ACER1: variants seen among roughly 807,000 people sequenced by gnomAD.
The protein encoded by ACER1 is alkaline ceramidase 1.
Under a neutral mutation model 24.9 loss-of-function variants are expected in ACER1, and 28 were observed. That is an observed-to-expected ratio of 1.13 (90% CI 0.83 to 1.54). The LOEUF is 1.54. Ranked by LOEUF, ACER1 falls within the 40% of genes most tolerant of loss-of-function variation. ACER1 has a pLI of 0.00. For synonymous variants in ACER1, 132 were observed against 131.4 expected (o/e 1.00, Z -0.03); for missense variants, 352 against 349.3 (o/e 1.01, Z -0.06).
At chr19:6,356,874 A>T in the ACER1 span, among the ~76,000 whole-genome samples, 1 of 152,282 alleles carries the variant, frequency 6.6e-6, no homozygotes, top group South Asian at 2.1e-4. Flanking sequence ...ACAAGATAGC[A>T]GAATGTTCTG....
At chr19:6,352,803 C>T in the ACER1 span, among the ~76,000 whole-genome samples, 1 of 152,208 alleles carries the variant, frequency 6.6e-6, no homozygotes, top group Non-Finnish European at 1.5e-5. Flanking sequence ...CATCCACAGC[C>T]TCTTCAGCAC....
At chr19:6,333,218 G>A (rs2091697142) in intron 1 of ACER1, among the ~76,000 whole-genome samples, 1 of 152,124 alleles carries the variant, frequency 6.6e-6, no homozygotes. Context: ...GTTAGCTTAG[G>A]GAAGGCAGAG....
chr19:6,323,507 A>G (rs530134652), intron 1 of ACER1, among the ~76,000 whole-genome samples: 256 of 152,122 alleles, frequency 1.7e-3, no homozygotes, highest in Non-Finnish European at 2.7e-3. Flanking sequence ...GTAAGATGTG[A>G]CTTGCTCCTC....
At chr19:6,312,968 G>T (rs915306379) in intron 1 of ACER1, among the ~76,000 whole-genome samples, 1 of 151,910 alleles carries the variant, frequency 6.6e-6, no homozygotes, top group South Asian at 2.1e-4. Context: ...GTGAGCCACC[G>T]CACCTAGCCA....
chr19:6,342,258 C>CTTTTTT, the ACER1 span, among the ~76,000 whole-genome samples: 2 of 112,144 alleles, frequency 1.8e-5, no homozygotes. Flanking sequence ...TATCCTAGTT[C>CTTTTTT]TTTTTTTTTT....
chr19:6,314,652 C>T (rs1256120267), intron 1 of ACER1, among the ~76,000 whole-genome samples: 2 of 152,040 alleles, frequency 1.3e-5, no homozygotes, highest in Non-Finnish European at 2.9e-5. Flanking sequence ...TGGGTACAAC[C>T]TCTACGGAAA....
chr19:6,342,580 G>C, the ACER1 span, among the ~76,000 whole-genome samples: 1 of 151,428 alleles, frequency 6.6e-6, no homozygotes, highest in Non-Finnish European at 1.5e-5. Flanking sequence ...TTAGCCAGGC[G>C]TGGTGGCGGG....
chr19:6,311,209 G>T (rs1215865089), intron 3 of ACER1, among the ~76,000 whole-genome samples: 1 of 148,908 alleles, frequency 6.7e-6, no homozygotes, highest in Non-Finnish European at 1.5e-5. Context: ...GGGTCCCAGA[G>T]GTCAATAGGG....
the ACER1 span, among the ~76,000 whole-genome samples, chr19:6,345,115 A>C: frequency 6.6e-6 from 1 of 151,520 alleles, no homozygotes; most frequent in African/African-American, 2.4e-5. Flanking sequence ...GGCTGGTCTC[A>C]AACTCCTGAC....
chr19:6,314,341 G>A (rs780773359), intron 1 of ACER1, among the ~76,000 whole-genome samples: 4 of 150,990 alleles, frequency 2.6e-5, no homozygotes, highest in Non-Finnish European at 5.9e-5. Context: ...GTAGTGGTGG[G>A]TGCCTGTAAT....
At chr19:6,329,399 A>AGAATAG (rs2145017727) in intron 1 of ACER1, among the ~76,000 whole-genome samples, 1 of 152,222 alleles carries the variant, frequency 6.6e-6, no homozygotes, top group African/African-American at 2.4e-5. Flanking sequence ...AGAATAGAAT[A>AGAATAG]GAATAGAATA....
chr19:6,311,429 C>A (rs1015727420), intron 3 of ACER1, among the ~76,000 whole-genome samples: 2 of 152,034 alleles, frequency 1.3e-5, no homozygotes, highest in Admixed American at 1.3e-4. Flanking sequence ...GTAATCCCAG[C>A]TACTCGGGAG....
chr19:6,307,909 A>G (rs1431065982), intron 4 of ACER1, among the ~76,000 whole-genome samples: 1 of 151,770 alleles, frequency 6.6e-6, no homozygotes, highest in Non-Finnish European at 1.5e-5. Context: ...CAACATGGTG[A>G]AACTCTGACT....
chr19:6,312,038 AG>A, intron 3 of ACER1, 110 bp downstream of exon 3: 1 of 1,395,616 alleles, frequency 7.2e-7, no homozygotes, highest in Middle Eastern at 2.6e-4. Context: ...AGGAATTCCA[AG>A]GGCCCCAAAG....
At chr19:6,341,525 A>G in the ACER1 span, among the ~76,000 whole-genome samples, 1 of 146,820 alleles carries the variant, frequency 6.8e-6, no homozygotes, top group African/African-American at 2.5e-5. Context: ...CCTTGTCTCA[A>G]AAAAAAAAAA....
intron 1 of ACER1, among the ~76,000 whole-genome samples, chr19:6,329,715 T>C (rs998232653): frequency 9.9e-5 from 15 of 152,032 alleles, no homozygotes; most frequent in Non-Finnish European, 2.1e-4. Context: ...AGGTGCTTTT[T>C]ATTTTTTAGA....
intron 1 of ACER1, among the ~76,000 whole-genome samples, chr19:6,318,785 CA>C (rs201693112): frequency 1.5e-5 from 2 of 137,484 alleles, no homozygotes; most frequent in Non-Finnish European, 3.2e-5. Context: ...GACTCCGTTT[CA>C]AAAAAAATAA....
At chr19:6,348,757 C>T in the ACER1 span, among the ~76,000 whole-genome samples, 1 of 151,870 alleles carries the variant, frequency 6.6e-6, no homozygotes, top group Non-Finnish European at 1.5e-5. Context: ...TCACAGTTGT[C>T]AAAGAAAGAA....
chr19:6,322,109 C>G (rs2091633773), intron 1 of ACER1, among the ~76,000 whole-genome samples: 2 of 152,176 alleles, frequency 1.3e-5, no homozygotes, highest in South Asian at 4.1e-4. Flanking sequence ...CCAGAGGAAC[C>G]TATCTTGCCT....
Sources: allele counts gnomAD v4.1 joint callset (sites outside exome capture counted in the v4.1 genomes callset), GRCh38; gene constraint gnomAD v4.1.1; transcripts MANE v1.5; gene names NCBI Gene and HGNC (gene_info 2026-07-23, HGNC 2026-07-21).